The following OPCML variants were observed in gnomAD, a reference collection of about 807,000 sequenced individuals.
OPCML encodes opioid binding protein/cell adhesion molecule like.
A neutral mutation model predicts 37.8 loss-of-function variants in OPCML; 13 were observed. The ratio of observed to expected loss-of-function variants is 0.34; its 90% CI spans 0.22 to 0.55. The LOEUF (loss-of-function observed/expected upper bound fraction) is 0.55. Ranked by LOEUF, OPCML falls within the 20% of genes least tolerant of loss-of-function variation. The pLI is 0.91. For missense variants in OPCML, 341 were observed against 435.6 expected, an observed-to-expected ratio of 0.78 and a Z score of 1.93; for synonymous variants, 176 against 168.8, an observed-to-expected ratio of 1.04 and a Z score of -0.33.
At chr11:133,419,845 C>A (rs980426106) in intron 1 of OPCML, among the ~76,000 whole-genome samples, 4 of 152,190 alleles carry the variant, frequency 2.6e-5, no homozygotes, top group Admixed American at 2.6e-4. Flanking sequence ...TTTGACTATT[C>A]AAAACCTATT....
chr11:132,781,778 C>A (rs768327320), intron 2 of OPCML, among the ~76,000 whole-genome samples: 80 of 151,540 alleles, frequency 5.3e-4, no homozygotes, highest in Non-Finnish European at 6.9e-4. Flanking sequence ...TCTTTGAAAC[C>A]AGCAGAAAAA....
At chr11:133,218,749 A>G (rs909959010) in intron 1 of OPCML, among the ~76,000 whole-genome samples, 11 of 152,062 alleles carry the variant, frequency 7.2e-5, no homozygotes, top group Non-Finnish European at 1.3e-4. Flanking sequence ...TGGAGCTGCT[A>G]AGCTCTCTGG....
At chr11:133,420,264 T>C (rs1408272400) in intron 1 of OPCML, 14 of 985,260 alleles carry the variant, frequency 1.4e-5, no homozygotes, top group Non-Finnish European at 1.6e-5. Context: ...TGATCACAGA[T>C]CCAAAGATAC....
intron 2 of OPCML, among the ~76,000 whole-genome samples, chr11:132,678,085 A>C (rs545386659): frequency 6.6e-6 from 1 of 152,360 alleles, no homozygotes; most frequent in African/African-American, 2.4e-5. Flanking sequence ...AAGATGTCAA[A>C]GACCTTAATA....
chr11:132,480,588 T>G (rs1234178419), intron 4 of OPCML, among the ~76,000 whole-genome samples: 2 of 151,952 alleles, frequency 1.3e-5, no homozygotes, highest in African/African-American at 4.8e-5. Flanking sequence ...AAAGTTGAAA[T>G]GGAGGAAAAA....
chr11:132,946,873 C>T (rs1326053998), intron 1 of OPCML, among the ~76,000 whole-genome samples: 1 of 152,206 alleles, frequency 6.6e-6, no homozygotes, highest in Admixed American at 6.5e-5. Flanking sequence ...GTACTTCAAC[C>T]TCTCAACTCT....
chr11:133,274,080 C>T (rs966527830), intron 1 of OPCML, among the ~76,000 whole-genome samples: 11 of 152,232 alleles, frequency 7.2e-5, no homozygotes, highest in Middle Eastern at 3.4e-3. Flanking sequence ...AGCACTAAGG[C>T]GAGTACACAC....
intron 2 of OPCML, among the ~76,000 whole-genome samples, chr11:132,903,916 A>C (rs1176267618): frequency 3.3e-5 from 5 of 152,362 alleles, no homozygotes; most frequent in African/African-American, 1.2e-4. Context: ...ATTGTAGTTC[A>C]AAGATTTGTC....
chr11:132,794,765 A>T (rs1327840740), intron 2 of OPCML, among the ~76,000 whole-genome samples: 1 of 152,154 alleles, frequency 6.6e-6, no homozygotes, highest in Non-Finnish European at 1.5e-5. Context: ...AAATAACTAG[A>T]AACATAATAA....
chr11:132,937,092 T>C (rs1945402599), intron 2 of OPCML, among the ~76,000 whole-genome samples: 1 of 152,116 alleles, frequency 6.6e-6, no homozygotes, highest in Non-Finnish European at 1.5e-5. Context: ...CCGTTAATAA[T>C]AAGTAATTTT....
intron 1 of OPCML, among the ~76,000 whole-genome samples, chr11:133,436,902 A>G (rs1782821880): frequency 6.6e-6 from 1 of 152,150 alleles, no homozygotes; most frequent in Non-Finnish European, 1.5e-5. Context: ...TGATTCATTT[A>G]TACACACTCA....
intron 1 of OPCML, among the ~76,000 whole-genome samples, chr11:133,472,275 A>G (rs1421593906): frequency 2.0e-5 from 3 of 152,152 alleles, no homozygotes; most frequent in African/African-American, 7.2e-5. Flanking sequence ...TGGCCTTTCA[A>G]TAGAAATGCA....
At chr11:133,071,434 G>A (rs1230879946) in intron 1 of OPCML, among the ~76,000 whole-genome samples, 1 of 152,164 alleles carries the variant, frequency 6.6e-6, no homozygotes, top group Non-Finnish European at 1.5e-5. Flanking sequence ...TTTTATGTTT[G>A]AGACATAGTT....
At chr11:133,348,907 A>G (rs914355717) in intron 1 of OPCML, among the ~76,000 whole-genome samples, 2 of 152,154 alleles carry the variant, frequency 1.3e-5, no homozygotes, top group African/African-American at 4.8e-5. Flanking sequence ...GTCTGCTGGG[A>G]GAGGACCCTC....
At chr11:132,636,121 T>C (rs886393893) in intron 3 of OPCML, among the ~76,000 whole-genome samples, 1 of 152,194 alleles carries the variant, frequency 6.6e-6, no homozygotes, top group Admixed American at 6.5e-5. Context: ...TGTATTCAGA[T>C]TTTTAGGGTC....
intron 2 of OPCML, among the ~76,000 whole-genome samples, chr11:132,928,498 G>C (rs1945076117): frequency 6.6e-6 from 1 of 151,948 alleles, no homozygotes; most frequent in South Asian, 2.1e-4. Context: ...GAATTGAATA[G>C]AGAAATTGCT....
At position 133,340,737 on chromosome 11, in the gene OPCML, A is replaced by ATG. The variant is rs147751485; in HGVS notation, c.61+191525_61+191526dup. On this transcript the variant is annotated intron_variant, in intron 1 of 7. Transcript: ENST00000524381. ...TTTAGCCCGTGAATTAAGAATGTGT[A>ATG]TGTGTGTGTGTGTGTGCTAGGTAGA... Among the ~76,000 whole-genome samples the ATG allele has an allele frequency of 2.2e-3, 322 of 148,088 alleles. 6 individuals carry two copies. The highest frequency in any genetic ancestry group is 0.015 in the Middle Eastern group (4 of 272).
chr11:132,657,134 T>C lies in OPCML; in HGVS notation c.332A>G (p.Gln111Arg). The C allele has an allele frequency of 6.2e-7, 1 of 1,614,270 alleles. No individual in the cohort carries two copies. The highest frequency in any genetic ancestry group is 8.5e-7 in the Non-Finnish European group (1 of 1,180,050). The stretch of plus-strand genomic sequence containing the variant: ...GGACGTTTTGGGATGATTGTCTGTC[T>C]GCACAGAGCAGGTGTACGGACCTTC... ...YDEGPYTCSVQTDNHPKTSRV... is the reference protein window; with the variant it reads ...YDEGPYTCSVRTDNHPKTSRV... Residue 111 changes from glutamine (Q) to arginine (R), a missense_variant, in exon 3 of 8, where the codon CAG (glutamine) becomes CGG (arginine). Transcript: ENST00000524381.
chr11:133,106,860 C>G (rs989047301), intron 1 of OPCML, among the ~76,000 whole-genome samples: 1 of 152,222 alleles, frequency 6.6e-6, no homozygotes. Flanking sequence ...TGTACCATGC[C>G]TCTCTTGGCC....
Sources: allele counts gnomAD v4.1 joint callset (sites outside exome capture counted in the v4.1 genomes callset), GRCh38; gene constraint gnomAD v4.1.1; transcripts MANE v1.5; gene names NCBI Gene and HGNC (gene_info 2026-07-23, HGNC 2026-07-21).